The following RC3H2 variants were observed in gnomAD, a reference collection of about 807,000 sequenced individuals.
RC3H2 encodes ring finger and CCCH-type domains 2, also known as roquin-2.
Under a neutral mutation model 133.3 loss-of-function variants are expected in RC3H2, and 31 were observed. That is an observed-to-expected ratio of 0.23 (90% CI 0.17 to 0.31). RC3H2 has a LOEUF of 0.31. Among genes scored for constraint, RC3H2 ranks in the 10% least tolerant of loss-of-function variants. RC3H2 has a pLI of 1.00. For missense variants in RC3H2, 1,175 were observed against 1,437.2 expected, an observed-to-expected ratio of 0.82 and a Z score of 2.95; for synonymous variants, 517 against 502.2, an observed-to-expected ratio of 1.03 and a Z score of -0.40.
intron 8 of RC3H2, among the ~76,000 whole-genome samples, chr9:122,878,529 C>T (rs917549941): frequency 1.3e-5 from 2 of 152,008 alleles, no homozygotes; most frequent in African/African-American, 4.8e-5. Context: ...CTCAGCCTCC[C>T]AAAGTGCTGG....
intron 9 of RC3H2, among the ~76,000 whole-genome samples, chr9:122,869,243 C>CGAA (rs1355791451): frequency 1.3e-5 from 2 of 151,798 alleles, no homozygotes; most frequent in African/African-American, 4.8e-5. Context: ...ATTAAGTTCA[C>CGAA]GAACAGAAAG....
chr9:122,879,958 A>C (rs1831539663), intron 7 of RC3H2, 35 bp downstream of exon 7: 1 of 1,612,612 alleles, frequency 6.2e-7, no homozygotes, highest in Non-Finnish European at 8.5e-7. Context: ...CAAAAGTAGA[A>C]AAAAATATAA....
chr9:122,859,092 T>C lies in RC3H2; in HGVS notation c.1860A>G (p.Pro620=). 6.4e-7 allele frequency: 1 copy of C among 1,558,120 alleles called. No homozygotes were observed. The highest frequency in any genetic ancestry group is 8.7e-7 in the Non-Finnish European group (1 of 1,152,058). The change falls in exon 12 of 21, where the codon CCA becomes CCG. Residue 620 remains proline, a synonymous_variant. Coordinates refer to ENST00000357244, the MANE Select transcript of RC3H2 (RefSeq NM_001100588.3). ...VPQYPQTGYY[P]PPPTVPAGVA... ...CACCAGCTGGTACCGTTGGAGGTGG[T>C]GGATAGTATCCTTGAAAATTGGAAA...
At chr9:122,875,645 T>G (rs1396553797) in intron 9 of RC3H2, among the ~76,000 whole-genome samples, 1 of 152,178 alleles carries the variant, frequency 6.6e-6, no homozygotes, top group African/African-American at 2.4e-5. Context: ...CTGGTTAGTA[T>G]GAAGTGTCAG....
In RC3H2 at chr9:122,859,980, T is replaced by G. The variant is rs199901510; in HGVS notation, c.1786A>C (p.Ile596Leu). 59 of 1,614,044 alleles carry G rather than the reference T, an allele frequency of 3.7e-5. No individual in the cohort carries two copies. The highest frequency in any genetic ancestry group is 6.7e-5 in the Admixed American group (4 of 60,002). ...GTCCTTGGATCTTGAAAATACTGAA[T>G]GTTTTCAGAATGCGGAGGATATACT... The part of the protein sequence containing the change: ...VPVYPPHSEN[I>L]QYFQDPRTQI... The change falls in exon 11 of 21, where the codon ATT becomes CTT. Residue 596 changes from isoleucine (I) to leucine (L), a missense_variant. Ile to Leu is a conservative substitution (Grantham distance 5). Coordinates refer to ENST00000357244, the MANE Select transcript of RC3H2 (RefSeq NM_001100588.3).
chr9:122,890,149 C>T (rs935360515), intron 4 of RC3H2, 163 bp downstream of exon 4: 5 of 654,970 alleles, frequency 7.6e-6, no homozygotes, highest in South Asian at 7.4e-5. Flanking sequence ...TCAAACAAAA[C>T]AAAACAGCAA....
intron 3 of RC3H2, among the ~76,000 whole-genome samples, chr9:122,891,143 CCG>C (rs1832151464): frequency 6.6e-6 from 1 of 151,712 alleles, no homozygotes; most frequent in Admixed American, 6.6e-5. Context: ...CCTCAGCCTC[CCG>C]AGTAGCTGGG....
In RC3H2 at chr9:122,905,338, A is replaced by G. The variant is rs1221989426; in HGVS notation, c.-296T>C. On this transcript the variant is annotated 5_prime_UTR_variant, in exon 1 of 21. Coordinates refer to ENST00000357244, the MANE Select transcript of RC3H2 (RefSeq NM_001100588.3). ...CCTCCTCCTCCTCCTCCTCCTCACC[A>G]CGGAGGCGGACCTGGAGGGATCCCG... The G allele has an allele frequency of 3.2e-6, 3 of 940,046 alleles. No individual in the cohort carries two copies. The highest frequency in any genetic ancestry group is 3.6e-5 in the African/African-American group (2 of 56,078). The allele number at this position is 940,046 out of a possible 1,614,324, so 58.2% of individuals were successfully genotyped here.
intron 9 of RC3H2, among the ~76,000 whole-genome samples, chr9:122,872,953 T>C (rs1216084867): frequency 6.6e-6 from 1 of 152,232 alleles, no homozygotes; most frequent in Admixed American, 6.5e-5. Flanking sequence ...CTTTGGAACA[T>C]AACCCCAACA....
chr9:122,900,520 A>T (rs538970313), intron 1 of RC3H2, among the ~76,000 whole-genome samples: 2 of 152,308 alleles, frequency 1.3e-5, no homozygotes, highest in African/African-American at 4.8e-5. Flanking sequence ...ATATTTTTGT[A>T]ACTACCAAAA....
chr9:122,880,084 C>T lies in RC3H2; in HGVS notation c.1002G>A (p.Leu334=), dbSNP rs753133750. 1.9e-6 allele frequency: 3 copies of T among 1,614,116 alleles called. No individual in the cohort carries two copies. The highest frequency in any genetic ancestry group is 2.5e-6 in the Non-Finnish European group (3 of 1,179,968). ...PESFAKSVQE[L]TIVLQRTGDP... ...CACCTGTTCGTTGCAAAACAATTGT[C>T]AATTCCTGGACACTCTTTGCAAATG... The change falls in exon 7 of 21, where the codon TTG becomes TTA. Residue 334 remains leucine (L), a synonymous_variant. Coordinates refer to ENST00000357244, the MANE Select transcript of RC3H2 (RefSeq NM_001100588.3).
intron 9 of RC3H2, chr9:122,875,041 TA>T: frequency 2.1e-6 from 2 of 960,142 alleles, no homozygotes; most frequent in Non-Finnish European, 2.8e-6. Flanking sequence ...CCCTTTTAGC[TA>T]AAAAGCTCTA....
At chr9:122,885,873 TTTTGTTTTGTTTTG>T (rs1032441983) in intron 4 of RC3H2, among the ~76,000 whole-genome samples, 3 of 149,170 alleles carry the variant, frequency 2.0e-5, no homozygotes, top group Admixed American at 6.6e-5. Flanking sequence ...GTGTTTTTTG[TTTTGTTTTGTTTTG>T]TTTGTTTTGT....
intron 3 of RC3H2, among the ~76,000 whole-genome samples, chr9:122,891,973 A>C (rs1832195963): frequency 6.6e-6 from 1 of 152,250 alleles, no homozygotes; most frequent in African/African-American, 2.4e-5. Context: ...TGCTCAATAA[A>C]ATTTAATGAA....
intron 4 of RC3H2, among the ~76,000 whole-genome samples, chr9:122,886,064 A>G (rs1588101408): frequency 6.6e-6 from 1 of 151,562 alleles, no homozygotes; most frequent in East Asian, 1.9e-4. Context: ...ATTTTTTTCT[A>G]TTTTCAGTAG....
chr9:122,868,190 A>ATCGT (rs1441849410), intron 9 of RC3H2, among the ~76,000 whole-genome samples: 7 of 144,562 alleles, frequency 4.8e-5, no homozygotes, highest in Admixed American at 3.4e-4. Flanking sequence ...GGCCGCCCCT[A>ATCGT]CTGGGAAGTG....
chr9:122,859,226 C>T, intron 11 of RC3H2, 124 bp from the exon 12 acceptor site: 1 of 662,208 alleles, frequency 1.5e-6, no homozygotes, highest in Non-Finnish European at 2.2e-6. Flanking sequence ...TTACCTTACC[C>T]TGCTTTATAA....
chr9:122,883,432 CAT>C, intron 4 of RC3H2, 53 bp from the exon 5 acceptor site: 1 of 1,420,854 alleles, frequency 7.0e-7, no homozygotes, highest in Admixed American at 2.4e-5. Context: ...CCCATCAGAT[CAT>C]GTGTGTCATA....
intron 2 of RC3H2, among the ~76,000 whole-genome samples, chr9:122,894,428 C>A (rs1037646570): frequency 3.3e-5 from 5 of 151,872 alleles, no homozygotes; most frequent in Non-Finnish European, 5.9e-5. Flanking sequence ...GGTAGCCAAT[C>A]AATAAATTAA....
Sources: allele counts gnomAD v4.1 joint callset (sites outside exome capture counted in the v4.1 genomes callset), GRCh38; gene constraint gnomAD v4.1.1; transcripts MANE v1.5; gene names NCBI Gene and HGNC (gene_info 2026-07-23, HGNC 2026-07-21).